The following TENM4 variants were observed in gnomAD, a reference collection of about 807,000 sequenced individuals.
TENM4 encodes teneurin transmembrane protein 4, also known as teneurin-4.
In TENM4, 82 loss-of-function variants were observed where a neutral mutation model predicts 243.3. The observed-to-expected ratio is 0.34, with a 90% confidence interval of 0.28 to 0.40. The LOEUF (loss-of-function observed/expected upper bound fraction) is 0.40, where lower values mean the gene tolerates loss of function less well. Among genes scored for constraint, TENM4 ranks in the 10% least tolerant of loss-of-function variants. The pLI is 1.00. For synonymous variants in TENM4, 1,412 were observed against 1,456.3 expected, an observed-to-expected ratio of 0.97 and a Z score of 0.69; for missense variants, 3,138 against 3,673.3, an observed-to-expected ratio of 0.85 and a Z score of 3.77.
At chr11:78,873,033 T>A (rs1399002973) in intron 9 of TENM4, among the ~76,000 whole-genome samples, 1 of 152,198 alleles carries the variant, frequency 6.6e-6, no homozygotes, top group Non-Finnish European at 1.5e-5. Flanking sequence ...ATGAGAAACA[T>A]TTCAAAATAG....
rs201726709 is a variant in TENM4, at chr11:78,840,921, CA to C, written c.1681+13182del. On this transcript the variant is annotated intron_variant, in intron 12 of 33. Coordinates refer to ENST00000278550, the MANE Select transcript of TENM4 (RefSeq NM_001098816.3). ...TTAATTTCTCGGAACCTTGTTTCAT[CA>C]TCTCTATAAAGAAAATAAGAGTTGT... 1.9e-4 allele frequency among the ~76,000 whole-genome samples: 29 copies of C among 152,262 alleles called. No individual in the cohort carries two copies. The East Asian group carries it at 5.4e-3, about 28-fold the overall frequency.
intron 3 of TENM4, among the ~76,000 whole-genome samples, chr11:79,172,319 T>A (rs1416169122): frequency 6.6e-6 from 1 of 152,210 alleles, no homozygotes; most frequent in Non-Finnish European, 1.5e-5. Flanking sequence ...AACGGGGGCA[T>A]GATCAGCCCA....
intron 6 of TENM4, among the ~76,000 whole-genome samples, chr11:78,909,290 T>C (rs1283133877): frequency 6.6e-6 from 1 of 152,232 alleles, no homozygotes; most frequent in Non-Finnish European, 1.5e-5. Flanking sequence ...TTACTGAGTA[T>C]TTACTACTTG....
At chr11:79,326,014 C>T (rs927271961) in intron 1 of TENM4, among the ~76,000 whole-genome samples, 8 of 152,206 alleles carry the variant, frequency 5.3e-5, no homozygotes, top group East Asian at 3.9e-4. Flanking sequence ...CTCCTGTTCC[C>T]GCTTTGGGTT....
chr11:79,425,955 C>T (rs1336712892), intron 1 of TENM4, among the ~76,000 whole-genome samples: 1 of 152,130 alleles, frequency 6.6e-6, no homozygotes, highest in Non-Finnish European at 1.5e-5. Context: ...GGTGTGTGCC[C>T]ACACACCTGT....
intron 2 of TENM4, among the ~76,000 whole-genome samples, chr11:79,291,100 G>GTGA (rs1400606463): frequency 6.6e-6 from 1 of 152,156 alleles, no homozygotes; most frequent in East Asian, 1.9e-4. Context: ...GGGTGGAGTG[G>GTGA]TGATGGTGGT....
intron 4 of TENM4, among the ~76,000 whole-genome samples, chr11:79,129,555 G>C (rs946759808): frequency 2.0e-4 from 31 of 152,186 alleles, no homozygotes; most frequent in African/African-American, 7.5e-4. Flanking sequence ...AGCATGGTGG[G>C]AGTGAGACTG....
intron 3 of TENM4, 69 bp downstream of exon 3, chr11:79,215,739 T>C: frequency 1.0e-6 from 1 of 983,070 alleles, no homozygotes. Flanking sequence ...GAGTCTGAGA[T>C]TGCATTTCTC....
intron 2 of TENM4, among the ~76,000 whole-genome samples, chr11:79,223,445 C>T (rs1336493694): frequency 6.6e-6 from 1 of 152,188 alleles, no homozygotes; most frequent in Non-Finnish European, 1.5e-5. Context: ...TAGTTCTCAA[C>T]CACTGGAGTT....
At chr11:78,927,601 C>T (rs1318934824) in intron 6 of TENM4, among the ~76,000 whole-genome samples, 3 of 152,166 alleles carry the variant, frequency 2.0e-5, no homozygotes, top group African/African-American at 7.2e-5. Context: ...CTTTGCTCAG[C>T]GTCAGGCTGG....
chr11:78,980,471 C>G (rs1417614775), intron 6 of TENM4, among the ~76,000 whole-genome samples: 1 of 152,124 alleles, frequency 6.6e-6, no homozygotes, highest in Non-Finnish European at 1.5e-5. Context: ...GAGCAAAGCT[C>G]TATAAGCTCA....
intron 1 of TENM4, among the ~76,000 whole-genome samples, chr11:79,379,390 C>A (rs1857956349): frequency 6.6e-6 from 1 of 152,160 alleles, no homozygotes; most frequent in Admixed American, 6.5e-5. Context: ...ATCGGAAGAC[C>A]TCTCTGGATG....
chr11:78,880,349 C>T (rs1325724150), intron 9 of TENM4, among the ~76,000 whole-genome samples: 1 of 150,662 alleles, frequency 6.6e-6, no homozygotes, highest in East Asian at 1.9e-4. Flanking sequence ...CTAGGAAAAT[C>T]AGAGACCTTT....
At chr11:78,770,037 T>A (rs1482975694) in intron 18 of TENM4, among the ~76,000 whole-genome samples, 1 of 152,224 alleles carries the variant, frequency 6.6e-6, no homozygotes, top group Non-Finnish European at 1.5e-5. Context: ...GTATAAATAT[T>A]AGGGAGCCAC....
chr11:79,330,807 C>T (rs567099764), intron 1 of TENM4, among the ~76,000 whole-genome samples: 2 of 152,310 alleles, frequency 1.3e-5, no homozygotes, highest in East Asian at 3.9e-4. Flanking sequence ...AGCTGGGATT[C>T]AAACAGCCCC....
At chr11:79,355,722 C>G (rs564105941) in intron 1 of TENM4, among the ~76,000 whole-genome samples, 1 of 152,096 alleles carries the variant, frequency 6.6e-6, no homozygotes, top group Admixed American at 6.5e-5. Context: ...CATGGTGAGA[C>G]ACATGTCACA....
intron 28 of TENM4, among the ~76,000 whole-genome samples, chr11:78,695,842 T>C (rs1471507423): frequency 1.5e-5 from 2 of 136,180 alleles, no homozygotes; most frequent in East Asian, 3.9e-4. Flanking sequence ...TTTGAATATA[T>C]GGCTAGAAAT....
chr11:79,188,818 C>G (rs1487381582), intron 3 of TENM4, among the ~76,000 whole-genome samples: 1 of 152,118 alleles, frequency 6.6e-6, no homozygotes, highest in Non-Finnish European at 1.5e-5. Flanking sequence ...GATTGCAAAT[C>G]CAAGTCTTGA....
chr11:79,073,198 C>T (rs1049272092), intron 4 of TENM4, among the ~76,000 whole-genome samples: 6 of 152,196 alleles, frequency 3.9e-5, no homozygotes, highest in African/African-American at 1.2e-4. Context: ...TGCTTATGCC[C>T]TCTAGCAGCC....
Sources: gnomAD v4.1 joint callset for allele counts (sites outside exome capture counted in the v4.1 genomes callset) on GRCh38, gnomAD v4.1.1 for gene constraint, MANE v1.5 for transcripts, NCBI Gene and HGNC (gene_info 2026-07-23, HGNC 2026-07-21) for gene names.